Variants in ENTREP2 observed in about 807,000 individuals in gnomAD.
The protein encoded by ENTREP2 is protein ENTREP2.
At chr15:29,480,132 T>C in the ENTREP2 span, among the ~76,000 whole-genome samples, 1 of 152,226 alleles carries the variant, frequency 6.6e-6, no homozygotes, top group African/African-American at 2.4e-5. Context: ...TTTTTTTCCC[T>C]TCTAGCAACT....
At chr15:29,440,279 G>A in the ENTREP2 span, among the ~76,000 whole-genome samples, 5 of 152,072 alleles carry the variant, frequency 3.3e-5, no homozygotes, top group Admixed American at 6.6e-5. Context: ...GCAACTCCCC[G>A]CTTCTGTGTT....
At chr15:29,277,533 G>A in the ENTREP2 span, among the ~76,000 whole-genome samples, 187 of 152,170 alleles carry the variant, frequency 1.2e-3, no homozygotes, top group African/African-American at 4.1e-3. Flanking sequence ...GAGGATCCCC[G>A]CCTGCAGTTC....
chr15:29,222,364 A>G, the ENTREP2 span, among the ~76,000 whole-genome samples: 1 of 152,212 alleles, frequency 6.6e-6, no homozygotes, highest in Non-Finnish European at 1.5e-5. Context: ...AATTACCATG[A>G]AAATGGGCAA....
the ENTREP2 span, among the ~76,000 whole-genome samples, chr15:29,637,739 A>G: frequency 6.6e-6 from 1 of 152,188 alleles, no homozygotes; most frequent in Admixed American, 6.5e-5. Flanking sequence ...TGAGAGATCT[A>G]TTACGGGAAC....
At chr15:29,649,548 C>T in the ENTREP2 span, among the ~76,000 whole-genome samples, 1 of 151,874 alleles carries the variant, frequency 6.6e-6, no homozygotes, top group South Asian at 2.1e-4. Flanking sequence ...TGGTGAAACC[C>T]TGTCTCTACT....
chr15:29,159,483 C>G, the ENTREP2 span, among the ~76,000 whole-genome samples: 82 of 152,328 alleles, frequency 5.4e-4, 2 homozygotes, highest in East Asian at 9.6e-3. Context: ...TGCTTTTATT[C>G]TTATCTGGCC....
the ENTREP2 span, among the ~76,000 whole-genome samples, chr15:29,274,859 C>A: frequency 6.6e-6 from 1 of 152,106 alleles, no homozygotes; most frequent in Non-Finnish European, 1.5e-5. Flanking sequence ...GTGGCAAAAC[C>A]TAAATGCTTT....
the ENTREP2 span, among the ~76,000 whole-genome samples, chr15:29,202,063 C>G: frequency 6.6e-6 from 1 of 152,142 alleles, no homozygotes; most frequent in Admixed American, 6.6e-5. Flanking sequence ...TTGTGTAAAG[C>G]CATTCCTATT....
chr15:29,127,948 A>G, the ENTREP2 span, among the ~76,000 whole-genome samples: 1 of 152,216 alleles, frequency 6.6e-6, no homozygotes, highest in African/African-American at 2.4e-5. Flanking sequence ...GACCAAAGGA[A>G]GGAAAAGATT....
At chr15:29,670,039 T>G in the ENTREP2 span, among the ~76,000 whole-genome samples, 1 of 152,364 alleles carries the variant, frequency 6.6e-6, no homozygotes, top group African/African-American at 2.4e-5. Context: ...CGAAGCCATG[T>G]CAGCTCAGCT....
At chr15:29,613,667 G>A in the ENTREP2 span, 2,176 of 174,808 alleles carry the variant, frequency 0.012, 21 homozygotes, top group Non-Finnish European at 0.02. Context: ...CCGCACCCTC[G>A]AGCTGACCAC....
At chr15:29,131,356 G>A in the ENTREP2 span, among the ~76,000 whole-genome samples, 7 of 151,814 alleles carry the variant, frequency 4.6e-5, no homozygotes, top group Admixed American at 3.9e-4. Context: ...TCCTTGTCTC[G>A]CACTCAGGTT....
At chr15:29,653,173 G>A in the ENTREP2 span, among the ~76,000 whole-genome samples, 1 of 152,148 alleles carries the variant, frequency 6.6e-6, no homozygotes, top group African/African-American at 2.4e-5. Flanking sequence ...AAAAACTCCA[G>A]ATGAAGAAAA....
chr15:29,514,523 G>T, the ENTREP2 span, among the ~76,000 whole-genome samples: 3 of 152,200 alleles, frequency 2.0e-5, no homozygotes, highest in Admixed American at 2.0e-4. Context: ...GAACATAGGT[G>T]TGCAAACATC....
At chr15:29,449,426 G>A in the ENTREP2 span, among the ~76,000 whole-genome samples, 1 of 152,172 alleles carries the variant, frequency 6.6e-6, no homozygotes, top group Non-Finnish European at 1.5e-5. Flanking sequence ...AGAAAGACAG[G>A]GACAGGAAGA....
At chr15:29,481,176 G>C in the ENTREP2 span, among the ~76,000 whole-genome samples, 1 of 152,208 alleles carries the variant, frequency 6.6e-6, no homozygotes, top group Non-Finnish European at 1.5e-5. Flanking sequence ...GAGCCTGCAG[G>C]GCAGGCAGAG....
the ENTREP2 span, among the ~76,000 whole-genome samples, chr15:29,386,817 A>G: frequency 6.6e-6 from 1 of 152,196 alleles, no homozygotes; most frequent in African/African-American, 2.4e-5. Context: ...ATTGGTGTAT[A>G]AAAATGCTTG....
At chr15:29,379,685 A>C in the ENTREP2 span, among the ~76,000 whole-genome samples, 1 of 152,072 alleles carries the variant, frequency 6.6e-6, no homozygotes, top group Non-Finnish European at 1.5e-5. Context: ...AGCCACCACC[A>C]TAAGGGGTCC....
At chr15:29,656,336 A>G in the ENTREP2 span, among the ~76,000 whole-genome samples, 21 of 151,782 alleles carry the variant, frequency 1.4e-4, no homozygotes, top group Admixed American at 1.2e-3. Context: ...AGCAATTCTC[A>G]TGTGTCAGCC....
Sources: allele counts gnomAD v4.1 joint callset (sites outside exome capture counted in the v4.1 genomes callset), GRCh38; gene constraint gnomAD v4.1.1; transcripts MANE v1.5; gene names NCBI Gene and HGNC (gene_info 2026-07-23, HGNC 2026-07-21).